The following CETP variants were observed in gnomAD, a reference collection of about 807,000 sequenced individuals.
CETP encodes cholesteryl ester transfer protein.
Under a neutral mutation model 66.5 loss-of-function variants are expected in CETP, and 56 were observed. The observed-to-expected ratio is 0.84, with a 90% confidence interval of 0.68 to 1.05. The LOEUF (loss-of-function observed/expected upper bound fraction) is 1.05, where lower values mean the gene tolerates loss of function less well. Among genes scored for constraint, CETP ranks in the 50% least tolerant of loss-of-function variants. The pLI is 0.00. For missense variants in CETP, 612 were observed against 609.6 expected (o/e 1.00, Z -0.04); for synonymous variants, 251 against 245.7 (o/e 1.02, Z -0.20).
At chr16:56,982,637 T>C (rs2056196957) in intron 14 of CETP, among the ~76,000 whole-genome samples, 1 of 152,214 alleles carries the variant, frequency 6.6e-6, no homozygotes, top group Admixed American at 6.5e-5. Context: ...AATTTTCCTT[T>C]TGACCTTGAA....
chr16:56,982,262 T>G, intron 14 of CETP, 25 bp downstream of exon 14: 3 of 1,611,378 alleles, frequency 1.9e-6, no homozygotes, highest in Non-Finnish European at 2.5e-6. Context: ...GAGGGGAAAC[T>G]GGGTGCCGAG....
At position 56,981,640 on chromosome 16, in the gene CETP, ATT is replaced by A. The variant is rs775980053; in HGVS notation, c.1215-5_1215-4del. 1 of 1,613,892 alleles carries A rather than the reference ATT, an allele frequency of 6.2e-7. No homozygotes were observed. The highest frequency in any genetic ancestry group is 2.2e-5 in the East Asian group (1 of 44,890). ...AGGGTCAAATTATCATCGCTTTTTT[ATT>A]TCAGGATTACACCAAAGACTGTTTC... On this transcript the variant is annotated splice_polypyrimidine_tract_variant and splice_region_variant and intron_variant, in intron 12 of 15. Coordinates refer to ENST00000200676, the MANE Select transcript of CETP (RefSeq NM_000078.3).
intron 2 of CETP, among the ~76,000 whole-genome samples, chr16:56,967,603 C>T (rs1002957278): frequency 1.0e-4 from 15 of 147,778 alleles, no homozygotes; most frequent in South Asian, 4.3e-4. Flanking sequence ...TGCAGTGAGC[C>T]GAGATCGTGC....
At chr16:56,971,913 G>T (rs779762002) in intron 7 of CETP, 79 bp from the exon 8 acceptor site, 30 of 1,229,486 alleles carry the variant, frequency 2.4e-5, no homozygotes, top group Non-Finnish European at 3.6e-5. Context: ...GGGTTGGGTA[G>T]CTGTGTGGAT....
At position 56,973,446 on chromosome 16, in the gene CETP, C is replaced by T. The variant is rs1228253773; in HGVS notation, c.866C>T (p.Ser289Leu). The change falls in exon 9 of 16, where the codon TCG (serine) becomes TTG (leucine). Residue 289 changes from serine (S) to leucine (L), a missense_variant. Ser to Leu is a moderately radical substitution (Grantham distance 145). Coordinates refer to ENST00000200676, the MANE Select transcript of CETP (RefSeq NM_000078.3). ...TGGTTCTCTGAGCGAGTCTTCCACT[C>T]GCTGGCCAAGGTAGCTTTCCAGGAT... ...YFWFSERVFH[S>L]LAKVAFQDGR... 2 of 1,614,096 alleles carry T rather than the reference C, an allele frequency of 1.2e-6. No homozygotes were observed. The highest frequency in any genetic ancestry group is 3.3e-5 in the Admixed American group (2 of 60,004).
intron 2 of CETP, among the ~76,000 whole-genome samples, chr16:56,965,417 G>A (rs1053622510): frequency 5.3e-5 from 8 of 151,260 alleles, no homozygotes; most frequent in African/African-American, 9.8e-5. Context: ...AGAACAGACC[G>A]GGAAAGCCAG....
intron 2 of CETP, among the ~76,000 whole-genome samples, chr16:56,963,405 C>T (rs1354711209): frequency 1.3e-5 from 2 of 151,702 alleles, no homozygotes; most frequent in African/African-American, 4.9e-5. Context: ...GGTCTTATTT[C>T]GGGGTGAATG....
intron 6 of CETP, 80 bp from the exon 7 acceptor site, chr16:56,971,241 G>A: frequency 6.4e-7 from 1 of 1,553,206 alleles, no homozygotes; most frequent in Non-Finnish European, 8.9e-7. Flanking sequence ...CCCCAGCACT[G>A]CCACCACCAC....
chr16:56,982,130 C>T, intron 13 of CETP, 35 bp from the exon 14 acceptor site: 4 of 1,602,360 alleles, frequency 2.5e-6, no homozygotes, highest in Non-Finnish European at 3.4e-6. Context: ...CTTCTGTGCT[C>T]CAGGGAGGAC....
At chr16:56,976,762 C>T (rs867642114) in intron 10 of CETP, among the ~76,000 whole-genome samples, 4 of 152,114 alleles carry the variant, frequency 2.6e-5, no homozygotes, top group Admixed American at 1.3e-4. Flanking sequence ...CTCTTAGTTG[C>T]TCTGTCGTGT....
At position 56,982,167 on chromosome 16, in the gene CETP, C is replaced by T. The variant is rs1262658258; in HGVS notation, c.1251C>T (p.Ser417=). The change falls in exon 14 of 16, where the codon AGC becomes AGT. Residue 417 remains serine, a splice_region_variant and synonymous_variant. Coordinates refer to ENST00000200676, the MANE Select transcript of CETP (RefSeq NM_000078.3). ...CACCATGGGCATTTGATTGGCAGAGCAGCTCCGAGTCCGTCCAGAGCTTCC... is the reference window on the plus strand; with the variant it reads ...CACCATGGGCATTTGATTGGCAGAGTAGCTCCGAGTCCGTCCAGAGCTTCC... The part of the protein sequence containing the change: ...TPKTVSNLTE[S]SSESVQSFLQ... The T allele has an allele frequency of 6.2e-7, 1 of 1,614,012 alleles. No individual in the cohort carries two copies. Among genetic ancestry groups the T allele is most frequent in the South Asian group, 1.1e-5 (1 of 91,070 alleles).
Position 56,969,608 on chromosome 16 carries a change from C to T in CETP, c.369-3C>T. 1.2e-6 allele frequency: 2 copies of T among 1,614,210 alleles called. No individual in the cohort carries two copies. Among genetic ancestry groups the T allele is most frequent in the Non-Finnish European group, 1.7e-6 (2 of 1,180,026 alleles). ...AGGGTCCTGGGTCCTTGGCTCTTTC[C>T]AGGCTGGGTATTGATCAGTCCATTG... On this transcript the variant is annotated splice_region_variant and splice_polypyrimidine_tract_variant and intron_variant, in intron 3 of 15. Coordinates refer to ENST00000200676, the MANE Select transcript of CETP (RefSeq NM_000078.3).
intron 1 of CETP, 87 bp downstream of exon 1, chr16:56,962,184 CCTGA>C: frequency 8.7e-7 from 1 of 1,151,838 alleles, no homozygotes; most frequent in Non-Finnish European, 1.3e-6. Flanking sequence ...TGAAGCCAGC[CCTGA>C]AGCCGGCTGC....
At chr16:56,970,879 G>A (rs186151134) in intron 5 of CETP, among the ~76,000 whole-genome samples, 154 bp from the exon 6 acceptor site, 4 of 152,314 alleles carry the variant, frequency 2.6e-5, no homozygotes, top group East Asian at 1.9e-4. Context: ...CTGAGGCTCC[G>A]TGTTCTCAGC....
At chr16:56,976,062 C>G (rs949180266) in intron 10 of CETP, among the ~76,000 whole-genome samples, 3 of 152,204 alleles carry the variant, frequency 2.0e-5, no homozygotes, top group Admixed American at 1.3e-4. Flanking sequence ...TTGGGCAGGC[C>G]CCTGACCGGC....
Position 56,969,539 on chromosome 16 carries a change from T to C in CETP, c.368+19T>C, listed in dbSNP as rs771123037. On this transcript the variant is annotated intron_variant, in intron 3 of 15. Transcript: ENST00000200676. ...CCTGGTGGTAAGCATTCCTGTCAGC[T>C]GATGCCCCATGCCCTGGCCCTCTCT... The C allele has an allele frequency of 6.2e-7, 1 of 1,614,246 alleles. No individual in the cohort carries two copies. The highest frequency in any genetic ancestry group is 8.5e-7 in the Non-Finnish European group (1 of 1,180,034).
intron 2 of CETP, among the ~76,000 whole-genome samples, chr16:56,964,858 A>AT (rs2056054884): frequency 6.6e-6 from 1 of 152,222 alleles, no homozygotes; most frequent in East Asian, 1.9e-4. Flanking sequence ...ATAATGGGCA[A>AT]GGTCCAGTGG....
intron 7 of CETP, 113 bp from the exon 8 acceptor site, chr16:56,971,879 A>T: frequency 2.2e-6 from 2 of 920,992 alleles, no homozygotes; most frequent in Non-Finnish European, 3.6e-6. Flanking sequence ...GTCCCACTTT[A>T]CAGAGGGGAA....
intron 10 of CETP, among the ~76,000 whole-genome samples, chr16:56,975,879 T>G (rs182692424): frequency 7.9e-5 from 12 of 151,988 alleles, no homozygotes; most frequent in African/African-American, 2.2e-4. Context: ...CCAACAGAAC[T>G]TCCCCCCCAC....
Sources: allele counts gnomAD v4.1 joint callset (sites outside exome capture counted in the v4.1 genomes callset), GRCh38; gene constraint gnomAD v4.1.1; transcripts MANE v1.5; gene names NCBI Gene and HGNC (gene_info 2026-07-23, HGNC 2026-07-21).